Variants in GFRA1 observed in about 807,000 individuals in gnomAD.
GFRA1 encodes GDNF family receptor alpha 1.
A neutral mutation model predicts 51.6 loss-of-function variants in GFRA1; 16 were observed. The observed-to-expected ratio is 0.31, with a 90% CI of 0.21 to 0.47. The LOEUF is 0.47. Among genes scored for constraint, GFRA1 ranks in the 20% least tolerant of loss-of-function variants. GFRA1 has a pLI of 1.00. For synonymous variants in GFRA1, 270 were observed against 241.3 expected (o/e 1.12, Z -1.10); for missense variants, 530 against 594.3 (o/e 0.89, Z 1.13).
intron 4 of GFRA1, among the ~76,000 whole-genome samples, chr10:116,230,981 G>A (rs779046776): frequency 2.6e-5 from 4 of 152,198 alleles, no homozygotes; most frequent in Non-Finnish European, 4.4e-5. Flanking sequence ...GGAAAGGTGG[G>A]TAGGACAGGG....
chr10:116,252,492 G>A (rs769217323), intron 4 of GFRA1, among the ~76,000 whole-genome samples: 4 of 152,242 alleles, frequency 2.6e-5, no homozygotes, highest in South Asian at 2.1e-4. Context: ...TACAGCTGGC[G>A]CCTACTGCAT....
At chr10:116,212,936 C>T (rs1199671137) in intron 4 of GFRA1, among the ~76,000 whole-genome samples, 1 of 152,104 alleles carries the variant, frequency 6.6e-6, no homozygotes, top group African/African-American at 2.4e-5. Flanking sequence ...CTGCTTATAC[C>T]GCCTCCCACT....
At chr10:116,119,940 C>T (rs975873899) in intron 6 of GFRA1, among the ~76,000 whole-genome samples, 2 of 152,238 alleles carry the variant, frequency 1.3e-5, no homozygotes, top group African/African-American at 4.8e-5. Context: ...GTGGGGCTGA[C>T]AAGGGCAGAA....
At chr10:116,119,867 T>C (rs1426435139) in intron 6 of GFRA1, among the ~76,000 whole-genome samples, 2 of 152,266 alleles carry the variant, frequency 1.3e-5, no homozygotes, top group Non-Finnish European at 2.9e-5. Flanking sequence ...AGTTGCCTGA[T>C]CGACCAACTA....
At chr10:116,112,158 C>T (rs1000609835) in intron 6 of GFRA1, among the ~76,000 whole-genome samples, 11 of 151,820 alleles carry the variant, frequency 7.2e-5, no homozygotes, top group African/African-American at 2.4e-4. Flanking sequence ...TATTTCCATT[C>T]GATTTTGTCC....
At chr10:116,092,096 T>TACACGTAC (rs1956366965) in intron 8 of GFRA1, among the ~76,000 whole-genome samples, 1 of 138,110 alleles carries the variant, frequency 7.2e-6, no homozygotes, top group Non-Finnish European at 1.6e-5. Context: ...CATACATACG[T>TACACGTAC]ACACACACAC....
intron 4 of GFRA1, among the ~76,000 whole-genome samples, chr10:116,236,340 G>GA (rs1405870656): frequency 6.6e-6 from 1 of 152,142 alleles, no homozygotes; most frequent in Non-Finnish European, 1.5e-5. Context: ...TTTCAGCAGA[G>GA]AAAGGTGCCT....
At chr10:116,085,585 G>A (rs1956066166) in intron 9 of GFRA1, among the ~76,000 whole-genome samples, 1 of 152,096 alleles carries the variant, frequency 6.6e-6, no homozygotes, top group Admixed American at 6.6e-5. Context: ...AGGGTCAGAT[G>A]GGGAGAATTA....
chr10:116,241,048 G>A (rs1967321909), intron 4 of GFRA1, among the ~76,000 whole-genome samples: 3 of 152,088 alleles, frequency 2.0e-5, no homozygotes, highest in African/African-American at 7.2e-5. Flanking sequence ...GTGCATAATA[G>A]ATGAATCTCA....
chr10:116,273,693 C>CACACACACACACAG (rs1844118291), upstream of GFRA1, among the ~76,000 whole-genome samples: 3 of 151,490 alleles, frequency 2.0e-5, no homozygotes, highest in Non-Finnish European at 4.4e-5. Context: ...CTCTCTCTCT[C>CACACACACACACAG]TCACACACAC....
rs746573251 is a variant in GFRA1, at chr10:116,064,383, AT to A, written c.*14del. On this transcript the variant is annotated 3_prime_UTR_variant, in exon 11 of 11. Transcript: ENST00000355422. Reference sequence around the variant, plus strand: ...TTGTCTTTTTACATGTCCATATTGTATTTTTTTAATGCAGCTATGATGTTTC... The same window carrying A: ...TTGTCTTTTTACATGTCCATATTGTATTTTTTAATGCAGCTATGATGTTTC... 1.2e-6 allele frequency: 2 copies of A among 1,609,388 alleles called. No individual in the cohort carries two copies. Among genetic ancestry groups the A allele is most frequent in the Non-Finnish European group, 8.5e-7 (1 of 1,177,610 alleles).
At chr10:116,103,202 A>G (rs1956883427) in intron 6 of GFRA1, among the ~76,000 whole-genome samples, 1 of 152,200 alleles carries the variant, frequency 6.6e-6, no homozygotes, top group African/African-American at 2.4e-5. Context: ...GTCACTTTAA[A>G]TGTCTGCTGT....
At chr10:116,204,776 A>G (rs1350337720) in intron 5 of GFRA1, among the ~76,000 whole-genome samples, 2 of 152,220 alleles carry the variant, frequency 1.3e-5, no homozygotes, top group African/African-American at 4.8e-5. Flanking sequence ...TATTGAATAA[A>G]TACATACATG....
At chr10:116,204,135 G>T (rs1383487900) in intron 5 of GFRA1, among the ~76,000 whole-genome samples, 1 of 152,210 alleles carries the variant, frequency 6.6e-6, no homozygotes, top group African/African-American at 2.4e-5. Flanking sequence ...TAGGTGTCAA[G>T]AAAGCAGACT....
intron 4 of GFRA1, among the ~76,000 whole-genome samples, chr10:116,226,242 A>G (rs1966286172): frequency 6.6e-6 from 1 of 152,186 alleles, no homozygotes; most frequent in Non-Finnish European, 1.5e-5. Context: ...GAACTAGGGT[A>G]GAAGATGGTC....
intron 4 of GFRA1, among the ~76,000 whole-genome samples, chr10:116,238,178 C>G (rs1397263816): frequency 6.6e-6 from 1 of 152,208 alleles, no homozygotes; most frequent in Non-Finnish European, 1.5e-5. Context: ...GATTTCTTCA[C>G]AGGCTCTTTT....
intron 8 of GFRA1, 85 bp from the exon 9 acceptor site, chr10:116,090,007 A>G: frequency 2.4e-6 from 3 of 1,233,988 alleles, no homozygotes; most frequent in Non-Finnish European, 3.5e-6. Flanking sequence ...GAGGCACACT[A>G]GAAATTCTGA....
At chr10:116,107,981 C>T (rs923301019) in intron 6 of GFRA1, among the ~76,000 whole-genome samples, 1 of 152,034 alleles carries the variant, frequency 6.6e-6, no homozygotes, top group Non-Finnish European at 1.5e-5. Flanking sequence ...GTGCATAAGC[C>T]CCAAGTTCCG....
At chr10:116,237,834 C>T (rs1240734938) in intron 4 of GFRA1, among the ~76,000 whole-genome samples, 1 of 152,124 alleles carries the variant, frequency 6.6e-6, no homozygotes, top group Non-Finnish European at 1.5e-5. Flanking sequence ...TGGCCAAAAG[C>T]ACCAAAGCTC....
Sources: allele counts gnomAD v4.1 joint callset (sites outside exome capture counted in the v4.1 genomes callset), GRCh38; gene constraint gnomAD v4.1.1; transcripts MANE v1.5; gene names NCBI Gene and HGNC (gene_info 2026-07-23, HGNC 2026-07-21).